Variants in SLC24A2 observed in about 807,000 individuals in gnomAD.
SLC24A2 encodes the protein sodium/potassium/calcium exchanger 2.
A neutral mutation model predicts 62.0 loss-of-function variants in SLC24A2; 36 were observed. The observed-to-expected ratio is 0.58, with a 90% CI of 0.44 to 0.77. The LOEUF is 0.77. Among genes scored for constraint, SLC24A2 ranks in the 30% least tolerant of loss-of-function variants. The probability of loss-of-function intolerance (pLI) is 0.00; values close to 1 mark genes in which losing one functional copy is unlikely to be tolerated. For synonymous variants in SLC24A2, 358 were observed against 294.0 expected, an observed-to-expected ratio of 1.22 and a Z score of -2.23; for missense variants, 846 against 817.9, an observed-to-expected ratio of 1.03 and a Z score of -0.42.
chr9:19,519,373 G>GTGTGTA (rs1833085176), intron 10 of SLC24A2, among the ~76,000 whole-genome samples: 1 of 151,662 alleles, frequency 6.6e-6, no homozygotes, highest in Non-Finnish European at 1.5e-5. Context: ...GTGTGTGTGT[G>GTGTGTA]TGTATGTATA....
the SLC24A2 span, among the ~76,000 whole-genome samples, chr9:20,197,016 CAT>C: frequency 6.6e-6 from 1 of 152,160 alleles, no homozygotes; most frequent in South Asian, 2.1e-4. Flanking sequence ...ATGGATGTAA[CAT>C]AATTTACACA....
At chr9:20,288,543 T>A in the SLC24A2 span, among the ~76,000 whole-genome samples, 1 of 151,740 alleles carries the variant, frequency 6.6e-6, no homozygotes, top group Non-Finnish European at 1.5e-5. Flanking sequence ...CTAAGGCAGG[T>A]GGATCATTTG....
the SLC24A2 span, among the ~76,000 whole-genome samples, chr9:20,158,387 C>A: frequency 6.6e-6 from 1 of 151,558 alleles, no homozygotes; most frequent in Non-Finnish European, 1.5e-5. Context: ...AGGAGGGGTC[C>A]ACCCCCATGA....
At chr9:19,573,505 CACACACACACACACACACACACACAGAG>C (rs1419228139) in intron 6 of SLC24A2, 36 bp from the exon 7 acceptor site, 162 of 32,980 alleles carry the variant, frequency 4.9e-3, no homozygotes, top group Middle Eastern at 0.019. Flanking sequence ...CACACACACA[CACACACACACACACACACACACACAGAG>C]AGAGAGAGAG....
the SLC24A2 span, among the ~76,000 whole-genome samples, chr9:20,227,471 C>T: frequency 1.4e-5 from 2 of 142,850 alleles, no homozygotes; most frequent in East Asian, 2.1e-4. Flanking sequence ...GAACTAAAAG[C>T]ATAATCACAC....
chr9:19,875,617 T>C, the SLC24A2 span, among the ~76,000 whole-genome samples: 1 of 152,158 alleles, frequency 6.6e-6, no homozygotes, highest in Non-Finnish European at 1.5e-5. Context: ...GTGAGGGCCT[T>C]TGAGATTTCA....
chr9:19,911,530 G>A, the SLC24A2 span, among the ~76,000 whole-genome samples: 1 of 152,080 alleles, frequency 6.6e-6, no homozygotes, highest in East Asian at 1.9e-4. Flanking sequence ...AAAAGTGATT[G>A]GCAGATGGTT....
the SLC24A2 span, among the ~76,000 whole-genome samples, chr9:20,018,323 G>GTT: frequency 1.3e-5 from 2 of 152,164 alleles, no homozygotes; most frequent in Admixed American, 6.5e-5. Flanking sequence ...TTATAAAAAT[G>GTT]TTATCTATCT....
the SLC24A2 span, among the ~76,000 whole-genome samples, chr9:20,153,497 T>A: frequency 6.6e-5 from 10 of 151,956 alleles, no homozygotes; most frequent in Admixed American, 6.6e-4. Flanking sequence ...TTAATTTCTC[T>A]GACCTAGGTA....
intron 2 of SLC24A2, among the ~76,000 whole-genome samples, chr9:19,752,710 G>C (rs1822021909): frequency 6.6e-6 from 1 of 152,140 alleles, no homozygotes; most frequent in Non-Finnish European, 1.5e-5. Flanking sequence ...GAAAGAGAGA[G>C]AGAGAGGGAG....
the SLC24A2 span, among the ~76,000 whole-genome samples, chr9:19,993,366 A>G: frequency 6.6e-6 from 1 of 152,206 alleles, no homozygotes; most frequent in Non-Finnish European, 1.5e-5. Context: ...GAATATATAA[A>G]CTCACAGCAT....
chr9:19,749,387 T>C (rs1289852106), intron 2 of SLC24A2, among the ~76,000 whole-genome samples: 1 of 152,042 alleles, frequency 6.6e-6, no homozygotes, highest in Non-Finnish European at 1.5e-5. Flanking sequence ...GTTCAAAGGA[T>C]AAAACAAAGA....
chr9:19,509,706 T>C lies in SLC24A2; in HGVS notation c.*6447A>G, dbSNP rs1832644142. The C allele has an allele frequency of 6.6e-6, 1 of 152,210 alleles. No homozygotes were observed. Among genetic ancestry groups the C allele is most frequent in the South Asian group, 2.1e-4 (1 of 4,826 alleles). 9.4% of individuals were successfully genotyped at this position (152,210 alleles called of 1,614,324 possible). On this transcript the variant is annotated 3_prime_UTR_variant, in exon 11 of 11. Coordinates refer to ENST00000341998, the MANE Select transcript of SLC24A2 (RefSeq NM_020344.4). ...ATAATTTTATTCAGGATTTCAGACT[T>C]TTTTTACTTTTCTGTTTTTTATGAC...
chr9:20,261,637 T>C, the SLC24A2 span, among the ~76,000 whole-genome samples: 17,132 of 151,934 alleles, frequency 0.11, 1,991 homozygotes, highest in East Asian at 0.52. Context: ...ACCACAGTAC[T>C]ATCATAACTG....
chr9:19,930,206 C>T, the SLC24A2 span, among the ~76,000 whole-genome samples: 1 of 152,148 alleles, frequency 6.6e-6, no homozygotes, highest in East Asian at 1.9e-4. Flanking sequence ...ACCAACTCAC[C>T]CAGAGCAACT....
chr9:19,849,932 G>A, the SLC24A2 span, among the ~76,000 whole-genome samples: 1 of 151,852 alleles, frequency 6.6e-6, no homozygotes, highest in African/African-American at 2.4e-5. Flanking sequence ...TGATACATGT[G>A]AATAACATTT....
the SLC24A2 span, among the ~76,000 whole-genome samples, chr9:19,879,116 T>G: frequency 6.6e-6 from 1 of 152,156 alleles, no homozygotes; most frequent in African/African-American, 2.4e-5. Context: ...GTTGAATGCA[T>G]CCCCTCCCAC....
At chr9:20,241,878 C>T in the SLC24A2 span, among the ~76,000 whole-genome samples, 1 of 152,198 alleles carries the variant, frequency 6.6e-6, no homozygotes, top group East Asian at 1.9e-4. Flanking sequence ...ATGGCTGCAA[C>T]ATCAATCGCC....
chr9:20,166,748 T>C, the SLC24A2 span, among the ~76,000 whole-genome samples: 1 of 152,006 alleles, frequency 6.6e-6, no homozygotes, highest in Non-Finnish European at 1.5e-5. Flanking sequence ...TGGTTTTGAC[T>C]TTTGAAATGT....
Sources: gnomAD v4.1 joint callset for allele counts (sites outside exome capture counted in the v4.1 genomes callset) on GRCh38, gnomAD v4.1.1 for gene constraint, MANE v1.5 for transcripts, NCBI Gene and HGNC (gene_info 2026-07-23, HGNC 2026-07-21) for gene names.